The following MCC variants were observed in gnomAD, a reference collection of about 807,000 sequenced individuals.
MCC encodes colorectal mutant cancer protein.
In MCC, 90 loss-of-function variants were observed where a neutral mutation model predicts 116.2. That is an observed-to-expected ratio of 0.77 (90% confidence interval 0.65 to 0.92). MCC has a LOEUF of 0.92. Ranked by LOEUF, MCC falls within the 40% of genes least tolerant of loss-of-function variation. The probability of loss-of-function intolerance (pLI) is 0.00; values close to 1 mark genes in which losing one functional copy is unlikely to be tolerated. For synonymous variants in MCC, 578 were observed against 510.5 expected (o/e 1.13, Z -1.78); for missense variants, 1,516 against 1,312.2 (o/e 1.16, Z -2.40).
chr5:113,028,847 A>G, intron 18 of MCC, 87 bp downstream of exon 18: 3 of 1,452,612 alleles, frequency 2.1e-6, no homozygotes, highest in East Asian at 2.4e-5. Context: ...GGAAATGTCC[A>G]TCCCTGGTGC....
intron 1 of MCC, among the ~76,000 whole-genome samples, chr5:113,459,717 C>G (rs1004941216): frequency 4.6e-5 from 7 of 152,020 alleles, no homozygotes; most frequent in African/African-American, 1.7e-4. Context: ...CTACCTTTAG[C>G]TCTCCAATGT....
At chr5:113,354,109 G>GCCAT (rs1768350227) in intron 2 of MCC, among the ~76,000 whole-genome samples, 1 of 152,158 alleles carries the variant, frequency 6.6e-6, no homozygotes, top group South Asian at 2.1e-4. Context: ...TCTGCACACT[G>GCCAT]CCATCCAAGG....
At chr5:113,190,850 T>C (rs781425418) in intron 3 of MCC, among the ~76,000 whole-genome samples, 5 of 152,086 alleles carry the variant, frequency 3.3e-5, no homozygotes, top group Non-Finnish European at 5.9e-5. Context: ...GAAAAATAAA[T>C]GTCTCTCAAG....
intron 14 of MCC, among the ~76,000 whole-genome samples, chr5:113,055,226 G>A (rs1391465344): frequency 6.6e-6 from 1 of 152,214 alleles, no homozygotes; most frequent in East Asian, 1.9e-4. Context: ...CCACAGCCCT[G>A]TCCTTGTCCC....
intron 1 of MCC, among the ~76,000 whole-genome samples, chr5:113,475,275 T>C (rs1772207945): frequency 6.6e-6 from 1 of 152,250 alleles, no homozygotes; most frequent in Non-Finnish European, 1.5e-5. Flanking sequence ...CTCATCTATC[T>C]AGAATTTTCC....
intron 1 of MCC, among the ~76,000 whole-genome samples, chr5:113,414,021 T>G (rs154040): frequency 6.6e-6 from 1 of 151,956 alleles, no homozygotes; most frequent in African/African-American, 2.4e-5. Flanking sequence ...GCCTTCATTT[T>G]GTTATTTACC....
In MCC at chr5:113,333,886, T is replaced by C. The variant is rs1156602187; in HGVS notation, c.627+6633A>G. Among the ~76,000 whole-genome samples the C allele has an allele frequency of 1.8e-5, 2 of 114,156 alleles. 1 individual carries two copies. The highest frequency in any genetic ancestry group is 6.1e-5 in the African/African-American group (2 of 32,840). The allele number at this position is 114,156 out of a possible 152,430, so 74.9% of individuals were successfully genotyped here. A position where few individuals can be genotyped will look rare whatever the true frequency, so the allele number is the denominator to read the frequency against. Reference sequence around the variant, plus strand: ...GTATATATGTATTCACATATACATGTATTTATATATCTATATAAATACATT... The same window carrying C: ...GTATATATGTATTCACATATACATGCATTTATATATCTATATAAATACATT... On this transcript the variant is annotated intron_variant, in intron 3 of 18. Coordinates refer to ENST00000408903, the MANE Select transcript of MCC (RefSeq NM_001085377.2).
intron 2 of MCC, among the ~76,000 whole-genome samples, chr5:113,350,180 T>C (rs1768233848): frequency 1.3e-5 from 2 of 151,860 alleles, no homozygotes; most frequent in Admixed American, 1.3e-4. Context: ...CTCACAGAAA[T>C]AGAAAAAACA....
chr5:113,180,076 C>T (rs1761538528), intron 3 of MCC, among the ~76,000 whole-genome samples: 1 of 152,176 alleles, frequency 6.6e-6, no homozygotes. Flanking sequence ...AATACAGTGG[C>T]CCGACAGCCT....
At chr5:113,067,134 C>T (rs1007391141) in intron 13 of MCC, among the ~76,000 whole-genome samples, 3 of 152,192 alleles carry the variant, frequency 2.0e-5, no homozygotes, top group Non-Finnish European at 2.9e-5. Flanking sequence ...GATACTCCTT[C>T]CACCTTACTC....
intron 3 of MCC, among the ~76,000 whole-genome samples, chr5:113,264,839 T>G (rs1232247735): frequency 6.6e-6 from 1 of 152,030 alleles, no homozygotes; most frequent in Non-Finnish European, 1.5e-5. Context: ...GGTTAGGAGT[T>G]TGAGACCAGC....
chr5:113,217,667 G>A (rs926810287), intron 3 of MCC, among the ~76,000 whole-genome samples: 3 of 152,140 alleles, frequency 2.0e-5, no homozygotes, highest in African/African-American at 7.2e-5. Flanking sequence ...GCTAATCAGG[G>A]CAAACTCTGC....
chr5:113,192,979 C>A (rs1181534168), intron 3 of MCC, among the ~76,000 whole-genome samples: 1 of 152,182 alleles, frequency 6.6e-6, no homozygotes, highest in Non-Finnish European at 1.5e-5. Context: ...TTTCGTTAGG[C>A]CTAAATCAAG....
At chr5:113,157,066 C>T (rs1738026809) in intron 3 of MCC, among the ~76,000 whole-genome samples, 1 of 152,176 alleles carries the variant, frequency 6.6e-6, no homozygotes. Flanking sequence ...TGACAAAAGG[C>T]TTCACACTTC....
chr5:113,309,243 C>T (rs1426192617), intron 3 of MCC, among the ~76,000 whole-genome samples: 1 of 152,084 alleles, frequency 6.6e-6, no homozygotes, highest in Non-Finnish European at 1.5e-5. Context: ...TTGGTTACAT[C>T]GATAAACTGT....
At chr5:113,159,061 G>T (rs1007845515) in intron 3 of MCC, among the ~76,000 whole-genome samples, 2 of 152,178 alleles carry the variant, frequency 1.3e-5, no homozygotes, top group Non-Finnish European at 2.9e-5. Context: ...GGAGCGAGAA[G>T]GGTGGCAGGG....
At chr5:113,359,453 C>G (rs1211314959) in intron 2 of MCC, among the ~76,000 whole-genome samples, 1 of 152,188 alleles carries the variant, frequency 6.6e-6, no homozygotes, top group African/African-American at 2.4e-5. Context: ...TTAGAGACAA[C>G]TAACCCAAGG....
intron 1 of MCC, among the ~76,000 whole-genome samples, chr5:113,399,408 C>T (rs941941067): frequency 1.3e-5 from 2 of 152,082 alleles, no homozygotes; most frequent in Non-Finnish European, 2.9e-5. Context: ...TGGAGTGAAC[C>T]CGGGAGGTGG....
In MCC at chr5:113,263,818, C is replaced by T. The variant is rs531918544; in HGVS notation, c.627+76701G>A. ...AGCAGCTGGACTCTTGCATTCCACA[C>T]AGATCAAGACACAAGCCTCACACTT... On this transcript the variant is annotated intron_variant, in intron 3 of 18. Coordinates refer to ENST00000408903, the MANE Select transcript of MCC (RefSeq NM_001085377.2). Among the ~76,000 whole-genome samples the T allele has an allele frequency of 6.6e-5, 10 of 151,394 alleles. No individual in the cohort carries two copies. The South Asian group carries it at 1.0e-3, about 16-fold the overall frequency.
Sources: allele counts gnomAD v4.1 joint callset (sites outside exome capture counted in the v4.1 genomes callset), GRCh38; gene constraint gnomAD v4.1.1; transcripts MANE v1.5; gene names NCBI Gene and HGNC (gene_info 2026-07-23, HGNC 2026-07-21).